The following TANK variants were observed in gnomAD, a reference collection of about 807,000 sequenced individuals.
TANK encodes TRAF family member-associated NF-kappa-B activator.
In TANK, 15 loss-of-function variants were observed where a neutral mutation model predicts 43.6. The ratio of observed to expected loss-of-function variants is 0.34; its 90% CI spans 0.23 to 0.53. The LOEUF (loss-of-function observed/expected upper bound fraction) is 0.53. Ranked by LOEUF, TANK falls within the 20% of genes least tolerant of loss-of-function variation. The pLI is 0.94. For synonymous variants in TANK, 162 were observed against 178.2 expected (o/e 0.91, Z 0.73); for missense variants, 417 against 498.6 (o/e 0.84, Z 1.56).
chr2:161,154,328 CAA>C (rs1684162225), intron 1 of TANK, among the ~76,000 whole-genome samples: 1 of 152,108 alleles, frequency 6.6e-6, no homozygotes, highest in South Asian at 2.1e-4. Flanking sequence ...AAAAGAAGCC[CAA>C]AATCACCAGG....
At position 161,180,545 on chromosome 2, in the gene TANK, C is replaced by T. The variant is rs185496354; in HGVS notation, c.99+784C>T. 2.1e-4 allele frequency among the ~76,000 whole-genome samples: 32 copies of T among 152,184 alleles called. No individual in the cohort carries two copies. The East Asian group carries it at 4.8e-3, about 23-fold the overall frequency. ...TGATGTTATGTTCCATGTTTCCATACGATCAAAGTAAAGAGCAGAATTTTA... is the reference window on the plus strand; with the variant it reads ...TGATGTTATGTTCCATGTTTCCATATGATCAAAGTAAAGAGCAGAATTTTA... On this transcript the variant is annotated intron_variant, in intron 2 of 7. Transcript: ENST00000392749.
At chr2:161,164,834 C>T (rs909833238) in intron 1 of TANK, among the ~76,000 whole-genome samples, 4 of 151,942 alleles carry the variant, frequency 2.6e-5, no homozygotes, top group Non-Finnish European at 4.4e-5. Flanking sequence ...CCAAGAAAAA[C>T]ATTTTTAAAG....
chr2:161,218,337 CT>C (rs1687206927), intron 4 of TANK, among the ~76,000 whole-genome samples: 1 of 152,124 alleles, frequency 6.6e-6, no homozygotes, highest in Non-Finnish European at 1.5e-5. Flanking sequence ...TGTAACCATT[CT>C]TTATCTCCAA....
intron 4 of TANK, among the ~76,000 whole-genome samples, chr2:161,214,617 G>A (rs1687038357): frequency 6.6e-6 from 1 of 150,790 alleles, no homozygotes; most frequent in Admixed American, 6.6e-5. Context: ...CATTGTTTTT[G>A]CATCATCAGT....
At chr2:161,202,092 T>A (rs1047664140) in intron 2 of TANK, among the ~76,000 whole-genome samples, 5 of 152,292 alleles carry the variant, frequency 3.3e-5, no homozygotes, top group African/African-American at 1.2e-4. Context: ...ATGGGTTGCT[T>A]ATCAGCTTTG....
At chr2:161,212,813 C>T in intron 4 of TANK, 1 of 974,318 alleles carries the variant, frequency 1.0e-6, no homozygotes, top group Non-Finnish European at 1.2e-6. Context: ...TAAGGAATAG[C>T]CCCCTGTCCA....
chr2:161,169,864 T>G lies in TANK; in HGVS notation c.-50+9378T>G, dbSNP rs369241779. 1.7e-4 allele frequency among the ~76,000 whole-genome samples: 26 copies of G among 152,302 alleles called. 1 individual carries two copies. The East Asian group carries it at 1.7e-3, about 10-fold the overall frequency. On this transcript the variant is annotated intron_variant, in intron 1 of 7. Transcript: ENST00000392749. Reference sequence around the variant, plus strand: ...AGCTCAGTTTTGAAGTTCAGTTTCCTCCTCTGTAAAGGGAAGACAATATAT... The same window carrying G: ...AGCTCAGTTTTGAAGTTCAGTTTCCGCCTCTGTAAAGGGAAGACAATATAT...
intron 4 of TANK, chr2:161,212,363 T>A (rs1399130684): frequency 3.0e-6 from 3 of 984,294 alleles, no homozygotes; most frequent in Non-Finnish European, 3.6e-6. Flanking sequence ...GCCTGGCTGA[T>A]ACACAAACTC....
chr2:161,218,782 T>C (rs1195195375), intron 4 of TANK, among the ~76,000 whole-genome samples: 5 of 152,178 alleles, frequency 3.3e-5, no homozygotes, highest in African/African-American at 1.2e-4. Context: ...AACACTAAAT[T>C]TGTAGTTAAA....
intron 1 of TANK, among the ~76,000 whole-genome samples, chr2:161,149,240 T>C (rs1684004517): frequency 6.6e-6 from 1 of 152,200 alleles, no homozygotes; most frequent in African/African-American, 2.4e-5. Context: ...GCATTTTCTT[T>C]TTTGGATGCC....
chr2:161,179,588 T>C, intron 1 of TANK, 26 bp from the exon 2 acceptor site: 1 of 1,570,434 alleles, frequency 6.4e-7, no homozygotes, highest in Non-Finnish European at 8.7e-7. Flanking sequence ...TTAGTAATTA[T>C]CTAAATTGAT....
intron 5 of TANK, 121 bp from the exon 6 acceptor site, chr2:161,224,510 A>AT (rs905249820): frequency 7.7e-5 from 36 of 468,616 alleles, no homozygotes; most frequent in South Asian, 1.6e-4. Context: ...ATTTAAAATA[A>AT]TTTTTTTTTA....
chr2:161,146,954 C>T (rs1033879240), intron 1 of TANK, among the ~76,000 whole-genome samples: 53 of 152,112 alleles, frequency 3.5e-4, no homozygotes, highest in African/African-American at 1.0e-3. Context: ...CCATGGAGAC[C>T]GCAGCACCCC....
intron 2 of TANK, among the ~76,000 whole-genome samples, chr2:161,181,519 A>G (rs1165705651): frequency 6.6e-6 from 1 of 152,174 alleles, no homozygotes. Context: ...CTTAACAGGC[A>G]GCATGACTGG....
At chr2:161,212,311 T>C (rs1686930601) in intron 4 of TANK, 16 of 897,608 alleles carry the variant, frequency 1.8e-5, no homozygotes, top group Non-Finnish European at 2.1e-5. Context: ...TCCACCTGCC[T>C]CGGCCTCCCA....
At chr2:161,189,025 A>T (rs758362211) in intron 2 of TANK, among the ~76,000 whole-genome samples, 1 of 152,216 alleles carries the variant, frequency 6.6e-6, no homozygotes, top group Non-Finnish European at 1.5e-5. Flanking sequence ...ATTTCCCAGC[A>T]TCCAGAACTG....
intron 1 of TANK, among the ~76,000 whole-genome samples, chr2:161,138,710 G>C (rs1433776174): frequency 6.6e-6 from 1 of 152,194 alleles, no homozygotes; most frequent in East Asian, 1.9e-4. Context: ...GCAATGTCTA[G>C]TTACTTCTTT....
At chr2:161,216,976 G>A (rs1435459507) in intron 4 of TANK, among the ~76,000 whole-genome samples, 1 of 152,112 alleles carries the variant, frequency 6.6e-6, no homozygotes, top group African/African-American at 2.4e-5. Flanking sequence ...CTTTATAGAC[G>A]GAATGCTGCT....
At chr2:161,169,869 T>C (rs1022365795) in intron 1 of TANK, among the ~76,000 whole-genome samples, 1 of 152,214 alleles carries the variant, frequency 6.6e-6, no homozygotes, top group Non-Finnish European at 1.5e-5. Context: ...TTTCCTCCTC[T>C]GTAAAGGGAA....
Sources: allele counts gnomAD v4.1 joint callset (sites outside exome capture counted in the v4.1 genomes callset), GRCh38; gene constraint gnomAD v4.1.1; transcripts MANE v1.5; gene names NCBI Gene and HGNC (gene_info 2026-07-23, HGNC 2026-07-21).